TDP1: variants seen among roughly 807,000 people sequenced by gnomAD.
TDP1 encodes tyr-DNA phosphodiesterase 1.
TDP1 carries 64 observed loss-of-function variants against 81.5 expected under a neutral mutation model. That is an observed-to-expected ratio of 0.79 (90% CI 0.64 to 0.97). TDP1 has a LOEUF of 0.97. Ranked by LOEUF, TDP1 falls within the 50% of genes least tolerant of loss-of-function variation. TDP1 has a pLI of 0.00. For missense variants in TDP1, 723 were observed against 743.8 expected, an observed-to-expected ratio of 0.97 and a Z score of 0.33; for synonymous variants, 256 against 264.3, an observed-to-expected ratio of 0.97 and a Z score of 0.30.
intron 15 of TDP1, among the ~76,000 whole-genome samples, chr14:90,027,321 T>C (rs923003017): frequency 4.6e-5 from 7 of 152,110 alleles, no homozygotes; most frequent in African/African-American, 1.7e-4. Flanking sequence ...CATCTCAGGC[T>C]ACTGCTGGGT....
intron 5 of TDP1, among the ~76,000 whole-genome samples, chr14:89,969,908 G>A (rs1310421468): frequency 2.4e-5 from 3 of 123,472 alleles, no homozygotes; most frequent in Admixed American, 1.1e-4. Flanking sequence ...GCGGAGTCTC[G>A]CTCTGTCGCC....
At chr14:89,958,752 A>G (rs1891973238) in intron 2 of TDP1, among the ~76,000 whole-genome samples, 1 of 152,198 alleles carries the variant, frequency 6.6e-6, no homozygotes, top group Non-Finnish European at 1.5e-5. Context: ...TTCAGGCTTT[A>G]AACTGTCTTT....
rs570736860 is a variant in TDP1 at position 89,987,644 on chromosome 14, G to A, written c.1132-1261G>A. Among the ~76,000 whole-genome samples, 3 of 152,234 alleles carry A rather than the reference G, an allele frequency of 2.0e-5. No homozygotes were observed. In the East Asian group the frequency reaches 5.8e-4, roughly 29 times the overall value. On this transcript the variant is annotated intron_variant, in intron 10 of 16. Transcript: ENST00000335725. The stretch of plus-strand genomic sequence containing the variant: ...AAAGATGGCTGAAACTCTCCAGGTG[G>A]GAGAGTTTCTTAGTGGGCATACTTT...
At chr14:90,032,657 T>G in intron 15 of TDP1, 4 of 791,136 alleles carry the variant, frequency 5.1e-6, no homozygotes, top group Non-Finnish European at 6.1e-6. Context: ...TCTGTCACAT[T>G]ATATTGGAAC....
chr14:90,026,719 C>A (rs1361274512), intron 15 of TDP1, among the ~76,000 whole-genome samples: 1 of 151,516 alleles, frequency 6.6e-6, no homozygotes, highest in Non-Finnish European at 1.5e-5. Context: ...GTTTGGTTTT[C>A]TGTCCTTGCG....
In TDP1 at chr14:89,988,904, G is replaced by C; in HGVS notation, c.1132-1G>C. On this transcript the variant is annotated splice_acceptor_variant, in intron 10 of 16. Transcript: ENST00000335725. LOFTEE classifies it high-confidence loss of function. ...TAACATTCACTTTTATTCTTTCCCA[G>C]CTTCTGAAAGACCATGCCTCATCCA... is the stretch of plus-strand genomic sequence containing the variant. 6 of 1,614,002 alleles carry C rather than the reference G, an allele frequency of 3.7e-6. No homozygotes were observed. Among genetic ancestry groups the C allele is most frequent in the Non-Finnish European group, 4.2e-6 (5 of 1,179,906 alleles).
At chr14:89,976,117 A>G (rs544081550) in intron 7 of TDP1, among the ~76,000 whole-genome samples, 46 of 152,086 alleles carry the variant, frequency 3.0e-4, no homozygotes, top group Non-Finnish European at 5.3e-4. Context: ...TATACACACA[A>G]TTTTTCAAGA....
chr14:90,023,440 G>A (rs576440084), intron 15 of TDP1, among the ~76,000 whole-genome samples: 3 of 152,316 alleles, frequency 2.0e-5, no homozygotes, highest in East Asian at 3.9e-4. Flanking sequence ...TTGGTTCCAC[G>A]TGGATAGTAG....
intron 7 of TDP1, among the ~76,000 whole-genome samples, chr14:89,976,632 G>GTTCAAACGA (rs1894373632): frequency 6.7e-6 from 1 of 149,148 alleles, no homozygotes; most frequent in Non-Finnish European, 1.5e-5. Context: ...CATCTCCTGG[G>GTTCAAACGA]TTCAAACGAT....
chr14:89,967,453 T>C, intron 5 of TDP1, 31 bp downstream of exon 5: 1 of 1,589,634 alleles, frequency 6.3e-7, no homozygotes. Flanking sequence ...GACAACACTA[T>C]AAACTGTAAA....
In TDP1 at chr14:89,974,609, T is replaced by C. The variant is rs532174900; in HGVS notation, c.757-1172T>C. Among the ~76,000 whole-genome samples, 50 of 152,278 alleles carry C rather than the reference T, an allele frequency of 3.3e-4. 1 individual carries two copies. The South Asian group carries it at 7.9e-3, about 24-fold the overall frequency. ...GGTAGGTAGTGGGGAGAGGTTGCAG[T>C]AGTGATTGCCACGATTATAGAGTGC... On this transcript the variant is annotated intron_variant, in intron 6 of 16. Transcript: ENST00000335725.
intron 7 of TDP1, among the ~76,000 whole-genome samples, chr14:89,979,111 GATAAA>G (rs917529954): frequency 6.6e-6 from 1 of 152,068 alleles, no homozygotes; most frequent in Non-Finnish European, 1.5e-5. Flanking sequence ...CAATAGAAAT[GATAAA>G]ATAAGTCAAG....
In TDP1 at chr14:89,975,813, C is replaced by A. The variant is rs562317662; in HGVS notation, c.789C>A (p.His263Gln). ...TGGATATTGCGTTTGGAACACACCA[C>A]ACGTAAGCACTTTTTGTGAAATAGG... ...AKLDIAFGTH[H>Q]TKMMLLLYEE... Residue 263 changes from histidine to glutamine, a missense_variant and splice_region_variant, in exon 7 of 17, where the codon CAC (histidine) becomes CAA (glutamine). Coordinates refer to ENST00000335725, the MANE Select transcript of TDP1 (RefSeq NM_018319.4). 2 of 1,612,144 alleles carry A rather than the reference C, an allele frequency of 1.2e-6. No homozygotes were observed. The highest frequency in any genetic ancestry group is 4.5e-5 in the East Asian group (2 of 44,862).
At chr14:90,016,778 C>T (rs1885363589) in intron 14 of TDP1, among the ~76,000 whole-genome samples, 1 of 152,096 alleles carries the variant, frequency 6.6e-6, no homozygotes, top group South Asian at 2.1e-4. Context: ...TGTGATTGAA[C>T]CCTGACTGAT....
chr14:90,026,118 A>C (rs1478709524), intron 15 of TDP1, among the ~76,000 whole-genome samples: 1 of 152,196 alleles, frequency 6.6e-6, no homozygotes, highest in Non-Finnish European at 1.5e-5. Flanking sequence ...TGTTCTGTTT[A>C]AATTTTTTCA....
intron 14 of TDP1, among the ~76,000 whole-genome samples, chr14:90,015,672 C>T (rs909186065): frequency 6.6e-6 from 1 of 152,226 alleles, no homozygotes; most frequent in African/African-American, 2.4e-5. Context: ...TGACTTCTCA[C>T]TGTGTCCTCA....
Position 89,963,554 on chromosome 14 carries a change from C to T in TDP1, c.440C>T (p.Thr147Ile), listed in dbSNP as rs1699871345. The T allele has an allele frequency of 6.8e-6, 11 of 1,611,990 alleles. No homozygotes were observed. Among genetic ancestry groups the T allele is most frequent in the Non-Finnish European group, 9.3e-6 (11 of 1,178,798 alleles). The change falls in exon 3 of 17, where the codon ACA (threonine) becomes ATA (isoleucine). Residue 147 changes from threonine to isoleucine, a missense_variant. By Grantham distance (89) the Thr-to-Ile change is moderately conservative (BLOSUM62 -1). Transcript: ENST00000335725. ...RLKEEEDEYE[T>I]SGEGQDIWDM... ...AAAGAGGAGGAAGACGAGTATGAGACATCAGGGGAGGGCCAGGACATTTGG... is the reference window on the plus strand; with the variant it reads ...AAAGAGGAGGAAGACGAGTATGAGATATCAGGGGAGGGCCAGGACATTTGG...
intron 16 of TDP1, chr14:90,033,521 G>C: frequency 2.6e-6 from 1 of 385,440 alleles, no homozygotes; most frequent in Non-Finnish European, 5.0e-6. Flanking sequence ...AATCTACTGA[G>C]CACCATAGCT....
intron 5 of TDP1, 71 bp from the exon 6 acceptor site, chr14:89,971,104 G>A (rs539229193): frequency 7.2e-5 from 99 of 1,374,050 alleles, no homozygotes; most frequent in Middle Eastern, 7.2e-4. Context: ...CCAAGGTGCC[G>A]GGATTACAGG....
Sources: gnomAD v4.1 joint callset for allele counts (sites outside exome capture counted in the v4.1 genomes callset) on GRCh38, gnomAD v4.1.1 for gene constraint, MANE v1.5 for transcripts, NCBI Gene and HGNC (gene_info 2026-07-23, HGNC 2026-07-21) for gene names.